The following MTUS2 variants were observed in gnomAD, a reference collection of about 807,000 sequenced individuals.
MTUS2 encodes the protein microtubule-associated tumor suppressor candidate 2.
Under a neutral mutation model 114.1 loss-of-function variants are expected in MTUS2, and 40 were observed. That is an observed-to-expected ratio of 0.35 (90% confidence interval 0.27 to 0.46). MTUS2 has a LOEUF of 0.46. Ranked by LOEUF, MTUS2 falls within the 20% of genes least tolerant of loss-of-function variation. The pLI is 1.00. For synonymous variants in MTUS2, 688 were observed against 672.0 expected (o/e 1.02, Z -0.37); for missense variants, 1,679 against 1,705.4 (o/e 0.98, Z 0.27).
chr13:29,462,368 C>A (rs1879558614), intron 9 of MTUS2, among the ~76,000 whole-genome samples: 1 of 152,188 alleles, frequency 6.6e-6, no homozygotes, highest in Admixed American at 6.5e-5. Flanking sequence ...AAAGGAGCAA[C>A]ATGCTCCATC....
chr13:28,992,647 A>G (rs775448135), intron 2 of MTUS2, among the ~76,000 whole-genome samples: 8 of 152,172 alleles, frequency 5.3e-5, no homozygotes, highest in African/African-American at 9.7e-5. Flanking sequence ...GACCATTTCT[A>G]AGACTCAGTT....
At chr13:28,973,813 G>A (rs991331888) in intron 2 of MTUS2, among the ~76,000 whole-genome samples, 2 of 152,200 alleles carry the variant, frequency 1.3e-5, no homozygotes, top group African/African-American at 2.4e-5. Flanking sequence ...GAAGGCAGGC[G>A]AGAAATAGCT....
At chr13:29,117,155 G>A (rs1431954953) in intron 5 of MTUS2, among the ~76,000 whole-genome samples, 2 of 152,168 alleles carry the variant, frequency 1.3e-5, no homozygotes, top group Non-Finnish European at 2.9e-5. Flanking sequence ...GAGGTTCTGT[G>A]AGCAAAGAAT....
At chr13:29,268,132 TG>T (rs1218022733) in intron 5 of MTUS2, among the ~76,000 whole-genome samples, 1 of 152,142 alleles carries the variant, frequency 6.6e-6, no homozygotes, top group Non-Finnish European at 1.5e-5. Context: ...TTTCTCCTAA[TG>T]CTCTCCCTCC....
intron 2 of MTUS2, among the ~76,000 whole-genome samples, chr13:28,852,931 AG>A (rs1876382718): frequency 6.8e-6 from 1 of 147,616 alleles, no homozygotes. Flanking sequence ...ATACATACAT[AG>A]CGAGCCTCTG....
chr13:29,199,119 A>G (rs765979540), intron 5 of MTUS2, among the ~76,000 whole-genome samples: 2 of 152,182 alleles, frequency 1.3e-5, no homozygotes, highest in Non-Finnish European at 2.9e-5. Context: ...GAAACAAAAA[A>G]GAGCCATATA....
At chr13:29,426,413 A>G (rs1876533542) in intron 8 of MTUS2, among the ~76,000 whole-genome samples, 1 of 152,242 alleles carries the variant, frequency 6.6e-6, no homozygotes, top group Non-Finnish European at 1.5e-5. Flanking sequence ...GTAAAGTGGA[A>G]CAGTCATAAA....
intron 2 of MTUS2, among the ~76,000 whole-genome samples, chr13:28,976,907 C>G (rs1884135319): frequency 6.6e-6 from 1 of 152,128 alleles, no homozygotes; most frequent in Admixed American, 6.5e-5. Context: ...TAGACTAACT[C>G]TGGAAGGATG....
At chr13:29,128,136 C>T (rs1478517071) in intron 5 of MTUS2, among the ~76,000 whole-genome samples, 1 of 152,094 alleles carries the variant, frequency 6.6e-6, no homozygotes, top group African/African-American at 2.4e-5. Context: ...GCAGGTGGGA[C>T]AGACAGACAG....
chr13:28,852,576 G>A (rs1876350386), intron 2 of MTUS2, among the ~76,000 whole-genome samples: 1 of 152,024 alleles, frequency 6.6e-6, no homozygotes, highest in Non-Finnish European at 1.5e-5. Context: ...AAAATTCCTT[G>A]GAAAAAGGCT....
intron 2 of MTUS2, among the ~76,000 whole-genome samples, chr13:28,969,418 TCTTC>T: frequency 6.6e-6 from 1 of 152,320 alleles, no homozygotes; most frequent in East Asian, 1.9e-4. Context: ...ACGTTCAGTA[TCTTC>T]CTTCTAGTTA....
intron 5 of MTUS2, among the ~76,000 whole-genome samples, chr13:29,192,416 G>A (rs1336177672): frequency 6.6e-6 from 1 of 152,150 alleles, no homozygotes; most frequent in Non-Finnish European, 1.5e-5. Flanking sequence ...GAGAAGGATA[G>A]GGAGAGATTT....
At chr13:28,979,412 A>G (rs1884260617) in intron 2 of MTUS2, among the ~76,000 whole-genome samples, 1 of 152,160 alleles carries the variant, frequency 6.6e-6, no homozygotes, top group Admixed American at 6.5e-5. Context: ...GGCCCTTTCC[A>G]TTTTTAAGAA....
At chr13:29,333,679 G>C (rs1216099144) in intron 7 of MTUS2, among the ~76,000 whole-genome samples, 1 of 152,194 alleles carries the variant, frequency 6.6e-6, no homozygotes, top group East Asian at 1.9e-4. Context: ...TTGGGGTGGA[G>C]AGTTCTGTAG....
chr13:29,070,676 TGTTTGAAA>T (rs1429605542), intron 4 of MTUS2, among the ~76,000 whole-genome samples: 7 of 103,204 alleles, frequency 6.8e-5, no homozygotes, highest in Non-Finnish European at 1.5e-4. Flanking sequence ...TTTGTTAAAC[TGTTTGAAA>T]CTTGTCTCTC....
At chr13:29,478,567 T>G (rs1880882606) in intron 9 of MTUS2, among the ~76,000 whole-genome samples, 1 of 151,902 alleles carries the variant, frequency 6.6e-6, no homozygotes, top group Admixed American at 6.6e-5. Flanking sequence ...TGAGGAGGAG[T>G]CTTTTTCCAT....
intron 5 of MTUS2, among the ~76,000 whole-genome samples, chr13:29,234,843 A>G (rs1004670303): frequency 2.0e-5 from 3 of 152,126 alleles, no homozygotes; most frequent in Admixed American, 6.5e-5. Context: ...ACTTCCCCAA[A>G]AAATAGGAGT....
intron 14 of MTUS2, 150 bp from the exon 15 acceptor site, chr13:29,500,947 G>T: frequency 1.7e-6 from 1 of 581,544 alleles, no homozygotes; most frequent in Non-Finnish European, 3.1e-6. Flanking sequence ...ACATTCCTCT[G>T]ACCTGATTTT....
chr13:28,824,760 A>G (rs1874150115), intron 1 of MTUS2, among the ~76,000 whole-genome samples: 3 of 152,162 alleles, frequency 2.0e-5, no homozygotes, highest in East Asian at 1.9e-4. Context: ...AGCAGCAAAT[A>G]AAACAGACAA....
Sources: gnomAD v4.1 joint callset for allele counts (sites outside exome capture counted in the v4.1 genomes callset) on GRCh38, gnomAD v4.1.1 for gene constraint, MANE v1.5 for transcripts, NCBI Gene and HGNC (gene_info 2026-07-23, HGNC 2026-07-21) for gene names.